The following COL19A1 variants were observed in gnomAD, a reference collection of about 807,000 sequenced individuals.
COL19A1 encodes the protein collagen type XIX alpha 1 chain.
Under a neutral mutation model 190.2 loss-of-function variants are expected in COL19A1, and 159 were observed. The observed-to-expected ratio is 0.84, with a 90% CI of 0.73 to 0.95. COL19A1 has a LOEUF of 0.95. Ranked by LOEUF, COL19A1 falls within the 40% of genes least tolerant of loss-of-function variation. The probability of loss-of-function intolerance (pLI) is 0.00; values close to 1 mark genes in which losing one functional copy is unlikely to be tolerated. For missense variants in COL19A1, 1,418 were observed against 1,431.9 expected, an observed-to-expected ratio of 0.99 and a Z score of 0.16; for synonymous variants, 509 against 458.9, an observed-to-expected ratio of 1.11 and a Z score of -1.39.
intron 7 of COL19A1, among the ~76,000 whole-genome samples, chr6:69,933,828 C>A (rs1452247654): frequency 1.3e-5 from 2 of 151,782 alleles, no homozygotes; most frequent in Admixed American, 6.6e-5. Context: ...AAAAAGTAGA[C>A]AATCATTGTT....
In COL19A1 at chr6:70,146,872, G is replaced by C; in HGVS notation, c.1876G>C (p.Gly626Arg). 6.3e-7 allele frequency: 1 copy of C among 1,585,960 alleles called. No individual in the cohort carries two copies. The highest frequency in any genetic ancestry group is 8.6e-7 in the Non-Finnish European group (1 of 1,169,348). ...AGGGGACATAGGCCCACAAGGGATA[G>C]GAATTCCTGGCAGAACAGTAAGTGA... ...SPGDIGPQGI[G>R]IPGRTGAQGP... The change falls in exon 27 of 51, where the codon GGA (glycine) becomes CGA (arginine). Residue 626 changes from glycine to arginine, a missense_variant. Physicochemically the swap from Gly to Arg is moderately radical, Grantham distance 125 (BLOSUM62 -2). Transcript: ENST00000620364.
intron 11 of COL19A1, among the ~76,000 whole-genome samples, chr6:70,018,935 G>C: frequency 6.6e-6 from 1 of 152,082 alleles, no homozygotes; most frequent in East Asian, 1.9e-4. Flanking sequence ...TGCCAGGGCT[G>C]AACAAACTCT....
At chr6:69,929,814 T>C (rs1772637742) in intron 6 of COL19A1, 114 bp downstream of exon 6, 5 of 992,618 alleles carry the variant, frequency 5.0e-6, no homozygotes, top group African/African-American at 3.3e-5. Flanking sequence ...TCATCAATTT[T>C]ATTAATTTAA....
intron 48 of COL19A1, among the ~76,000 whole-genome samples, chr6:70,199,145 C>A (rs1234870043): frequency 6.6e-6 from 1 of 152,162 alleles, no homozygotes; most frequent in Non-Finnish European, 1.5e-5. Flanking sequence ...AGTCTAGCCC[C>A]CATTCAAAAC....
chr6:69,940,641 G>A (rs1384546646), intron 9 of COL19A1, among the ~76,000 whole-genome samples: 1 of 152,046 alleles, frequency 6.6e-6, no homozygotes, highest in African/African-American at 2.4e-5. Flanking sequence ...ATAATGGCAA[G>A]AGATTTTAGT....
At chr6:70,048,253 A>G (rs979299498) in intron 14 of COL19A1, among the ~76,000 whole-genome samples, 4 of 152,130 alleles carry the variant, frequency 2.6e-5, no homozygotes, top group African/African-American at 7.2e-5. Flanking sequence ...ATGACATTCA[A>G]TTAGCAGATG....
chr6:70,019,991 G>A (rs1190293856), intron 11 of COL19A1, among the ~76,000 whole-genome samples: 1 of 152,006 alleles, frequency 6.6e-6, no homozygotes, highest in African/African-American at 2.4e-5. Flanking sequence ...TTTCCTTCCA[G>A]ATATAGAACT....
At position 69,899,102 on chromosome 6, in the gene COL19A1, G is replaced by C. The variant is rs1017763143; in HGVS notation, c.166+80G>C. 3.6e-5 allele frequency: 31 copies of C among 861,562 alleles called. No individual in the cohort carries two copies. The Admixed American group carries it at 6.4e-4, about 18-fold the overall frequency. 53.4% of individuals were successfully genotyped at this position (861,562 alleles called of 1,614,324 possible). A position where few individuals can be genotyped will look rare whatever the true frequency, so the allele number is the denominator to read the frequency against. On this transcript the variant is annotated intron_variant, in intron 3 of 50. Transcript: ENST00000620364. ...GCTAGATATGGAATACATTATAGGT[G>C]AATCTTTGATACTGCAATTTAAGAT...
intron 11 of COL19A1, among the ~76,000 whole-genome samples, chr6:69,998,317 T>A (rs1459695813): frequency 6.6e-6 from 1 of 152,090 alleles, no homozygotes; most frequent in East Asian, 1.9e-4. Flanking sequence ...CCCCACAATT[T>A]ATTTTTTAAT....
At chr6:69,939,010 A>C (rs1343527183) in intron 9 of COL19A1, among the ~76,000 whole-genome samples, 1 of 152,134 alleles carries the variant, frequency 6.6e-6, no homozygotes, top group Non-Finnish European at 1.5e-5. Flanking sequence ...CCGCTTTAAA[A>C]AGACAGGAGA....
intron 11 of COL19A1, among the ~76,000 whole-genome samples, chr6:70,009,672 A>C (rs1777861884): frequency 7.1e-6 from 1 of 140,560 alleles, no homozygotes; most frequent in Non-Finnish European, 1.5e-5. Context: ...CTGAAGGACT[A>C]ATATTACCTG....
Position 70,157,991 on chromosome 6 carries a change from C to T in COL19A1, c.2292+1268C>T, listed in dbSNP as rs146839397. 3.3e-3 allele frequency among the ~76,000 whole-genome samples: 509 copies of T among 152,228 alleles called. 4 individuals carry two copies. The highest frequency in any genetic ancestry group is 0.012 in the African/African-American group (498 of 41,570). Reference sequence around the variant, plus strand: ...AATCCATTGCTAATATTCCTCCACACTTTAGCGGGCTTTTTCTTCGGTACC... The same window carrying T: ...AATCCATTGCTAATATTCCTCCACATTTTAGCGGGCTTTTTCTTCGGTACC... On this transcript the variant is annotated intron_variant, in intron 34 of 50. Transcript: ENST00000620364.
At position 70,121,323 on chromosome 6, in the gene COL19A1, G is replaced by T. The variant is rs547163241; in HGVS notation, c.1279-557G>T. Among the ~76,000 whole-genome samples the T allele has an allele frequency of 2.0e-5, 3 of 152,176 alleles. No homozygotes were observed. The South Asian group carries it at 6.2e-4, about 32-fold the overall frequency. On this transcript the variant is annotated intron_variant, in intron 16 of 50. Coordinates refer to ENST00000620364, the MANE Select transcript of COL19A1 (RefSeq NM_001858.6). Reference sequence around the variant, plus strand: ...CATAGTGCTTACTGAATTATTTCCAGGTCAACTGAAAACTATCAATATTTA... The same window carrying T: ...CATAGTGCTTACTGAATTATTTCCATGTCAACTGAAAACTATCAATATTTA...
At chr6:69,871,655 A>G (rs1767830572) in intron 1 of COL19A1, among the ~76,000 whole-genome samples, 1 of 151,858 alleles carries the variant, frequency 6.6e-6, no homozygotes, top group South Asian at 2.1e-4. Context: ...CTGACCTTTT[A>G]CCTAACACCA....
chr6:70,039,333 T>C (rs1436921315), intron 14 of COL19A1, among the ~76,000 whole-genome samples: 2 of 152,220 alleles, frequency 1.3e-5, no homozygotes, highest in African/African-American at 2.4e-5. Context: ...ATTACACTAG[T>C]ATTTATATCA....
At chr6:70,146,336 G>A (rs1057137099) in intron 25 of COL19A1, among the ~76,000 whole-genome samples, 3 of 152,014 alleles carry the variant, frequency 2.0e-5, no homozygotes, top group East Asian at 3.9e-4. Flanking sequence ...CTGGACTGCC[G>A]GAAAATCTAA....
Position 69,903,035 on chromosome 6 carries a change from C to G in COL19A1, c.266+2697C>G, listed in dbSNP as rs1193690434. Among the ~76,000 whole-genome samples the G allele has an allele frequency of 1.2e-4, 19 of 152,194 alleles. 1 individual carries two copies. The highest frequency in any genetic ancestry group is 1.2e-3 in the Admixed American group (19 of 15,276). ...GGCCTGGCCCTACATGGGTCAGTGA[C>G]TAACTAGCTAATTCTATAACTTTCA... is the stretch of plus-strand genomic sequence containing the variant. On this transcript the variant is annotated intron_variant, in intron 4 of 50. Transcript: ENST00000620364.
At chr6:69,992,168 T>C in intron 11 of COL19A1, among the ~76,000 whole-genome samples, 1 of 152,154 alleles carries the variant, frequency 6.6e-6, no homozygotes, top group African/African-American at 2.4e-5. Context: ...CTTTCCCCAT[T>C]GCTTGTTTTC....
At chr6:69,945,950 G>C (rs1470504682) in intron 9 of COL19A1, among the ~76,000 whole-genome samples, 3 of 151,950 alleles carry the variant, frequency 2.0e-5, no homozygotes, top group South Asian at 4.1e-4. Flanking sequence ...AGCCATAGAT[G>C]ATCCATAGAC....
Sources: allele counts gnomAD v4.1 joint callset (sites outside exome capture counted in the v4.1 genomes callset), GRCh38; gene constraint gnomAD v4.1.1; transcripts MANE v1.5; gene names NCBI Gene and HGNC (gene_info 2026-07-23, HGNC 2026-07-21).